GRID2: variants seen among roughly 807,000 people sequenced by gnomAD.
GRID2 encodes glutamate ionotropic receptor delta type subunit 2, also known as glutamate receptor ionotropic, delta-2.
GRID2 carries 33 observed loss-of-function variants against 114.8 expected under a neutral mutation model. The ratio of observed to expected loss-of-function variants is 0.29; its 90% confidence interval spans 0.22 to 0.38. The LOEUF (loss-of-function observed/expected upper bound fraction) is 0.38. GRID2 is among the 10% of genes least tolerant of loss of function. GRID2 has a pLI of 1.00. For missense variants in GRID2, 1,184 were observed against 1,257.7 expected (o/e 0.94, Z 0.89); for synonymous variants, 505 against 449.9 (o/e 1.12, Z -1.55).
intron 2 of GRID2, among the ~76,000 whole-genome samples, chr4:92,906,430 G>C (rs1356021401): frequency 6.6e-6 from 1 of 151,920 alleles, no homozygotes; most frequent in South Asian, 2.1e-4. Flanking sequence ...CAGAGCCAAA[G>C]GAGAGCTGAA....
chr4:93,750,660 G>A (rs1732244120), intron 14 of GRID2, among the ~76,000 whole-genome samples: 1 of 152,082 alleles, frequency 6.6e-6, no homozygotes, highest in South Asian at 2.1e-4. Flanking sequence ...GGAGGCTGAG[G>A]CAGGAGAATG....
intron 1 of GRID2, among the ~76,000 whole-genome samples, chr4:92,442,215 G>A (rs1293438551): frequency 6.6e-6 from 1 of 151,786 alleles, no homozygotes; most frequent in Non-Finnish European, 1.5e-5. Flanking sequence ...GAGGCGATCG[G>A]GCGGTGTTAG....
intron 1 of GRID2, among the ~76,000 whole-genome samples, chr4:92,352,688 C>T (rs1728126878): frequency 6.6e-6 from 1 of 151,972 alleles, no homozygotes; most frequent in African/African-American, 2.4e-5. Flanking sequence ...CATTCATGTG[C>T]TTATTGGTCA....
At chr4:92,742,490 C>A (rs1157240737) in intron 2 of GRID2, among the ~76,000 whole-genome samples, 1 of 151,980 alleles carries the variant, frequency 6.6e-6, no homozygotes, top group Admixed American at 6.6e-5. Flanking sequence ...TTCTCTTAAT[C>A]TCTATGCATT....
intron 8 of GRID2, among the ~76,000 whole-genome samples, chr4:93,320,098 A>G (rs1757058147): frequency 6.6e-6 from 1 of 152,146 alleles, no homozygotes; most frequent in Non-Finnish European, 1.5e-5. Context: ...ATCTGAACAA[A>G]CAAAAGGATC....
intron 2 of GRID2, among the ~76,000 whole-genome samples, chr4:92,751,516 G>A (rs928077861): frequency 2.0e-5 from 3 of 152,128 alleles, no homozygotes; most frequent in Admixed American, 6.6e-5. Context: ...TTGAGTAACT[G>A]CAAAGAGATA....
chr4:92,671,248 T>C lies in GRID2; in HGVS notation c.244+80962T>C, dbSNP rs192221230. ...TATCCACTTAAACAATCAGATCTCA[T>C]GAAAACTTACTCACTATCATGAGAA... On this transcript the variant is annotated intron_variant, in intron 2 of 15. Coordinates refer to ENST00000282020, the MANE Select transcript of GRID2 (RefSeq NM_001510.4). Among the ~76,000 whole-genome samples the C allele has an allele frequency of 7.5e-4, 104 of 139,272 alleles. 2 individuals carry two copies. The East Asian group carries it at 0.021, about 29-fold the overall frequency. The allele number at this position is 139,272 out of a possible 152,430, so 91.4% of individuals were successfully genotyped here.
intron 3 of GRID2, among the ~76,000 whole-genome samples, chr4:93,099,104 A>G (rs1026488543): frequency 5.3e-5 from 8 of 151,592 alleles, no homozygotes; most frequent in African/African-American, 1.9e-4. Context: ...CTTAAACCAA[A>G]TAATTTGGTC....
At chr4:93,366,574 G>C (rs1406146226) in intron 8 of GRID2, among the ~76,000 whole-genome samples, 1 of 151,990 alleles carries the variant, frequency 6.6e-6, no homozygotes, top group East Asian at 1.9e-4. Flanking sequence ...GCCTCCGCTT[G>C]CCTTGTGATA....
At chr4:92,380,612 G>A (rs1324176066) in intron 1 of GRID2, among the ~76,000 whole-genome samples, 2 of 151,988 alleles carry the variant, frequency 1.3e-5, no homozygotes, top group Non-Finnish European at 2.9e-5. Context: ...ACAAAAATAT[G>A]TATACTTATA....
intron 13 of GRID2, among the ~76,000 whole-genome samples, chr4:93,543,157 G>A (rs1055774851): frequency 1.3e-5 from 2 of 152,074 alleles, no homozygotes; most frequent in African/African-American, 4.8e-5. Context: ...CCCTACTTTT[G>A]CTACCAATAT....
chr4:92,746,421 C>G (rs556726812), intron 2 of GRID2, among the ~76,000 whole-genome samples: 1 of 152,052 alleles, frequency 6.6e-6, no homozygotes, highest in Admixed American at 6.5e-5. Context: ...AATATTAAAG[C>G]CAGACCATCT....
intron 2 of GRID2, among the ~76,000 whole-genome samples, chr4:92,837,602 G>GA (rs2149405789): frequency 6.6e-6 from 1 of 151,836 alleles, no homozygotes; most frequent in African/African-American, 2.4e-5. Context: ...GAAATTCCAA[G>GA]AAAAAATGTT....
intron 8 of GRID2, among the ~76,000 whole-genome samples, chr4:93,367,204 GTT>G (rs5860328): frequency 7.5e-6 from 1 of 132,480 alleles, no homozygotes; most frequent in Non-Finnish European, 1.6e-5. Flanking sequence ...TTTTTTTTAA[GTT>G]TTTTTTTTTT....
At chr4:93,625,717 C>T (rs2149689017) in intron 13 of GRID2, among the ~76,000 whole-genome samples, 1 of 152,302 alleles carries the variant, frequency 6.6e-6, no homozygotes, top group South Asian at 2.1e-4. Context: ...AGATTGAGAC[C>T]ATCCTGGCTA....
intron 10 of GRID2, among the ~76,000 whole-genome samples, chr4:93,450,570 ATTT>A (rs1342548741): frequency 1.3e-5 from 2 of 151,858 alleles, no homozygotes; most frequent in East Asian, 3.9e-4. Context: ...ATGTATTTCA[ATTT>A]GTCTAAGCTT....
chr4:92,413,420 A>G (rs569129934), intron 1 of GRID2, among the ~76,000 whole-genome samples: 1 of 152,334 alleles, frequency 6.6e-6, no homozygotes, highest in South Asian at 2.1e-4. Context: ...TGGAAGAAGA[A>G]TATTAGCAGT....
intron 12 of GRID2, among the ~76,000 whole-genome samples, chr4:93,492,005 C>G (rs147235546): frequency 5.9e-5 from 9 of 151,884 alleles, no homozygotes; most frequent in Non-Finnish European, 1.0e-4. Context: ...TCCTTTGATA[C>G]AGAACCTTCA....
chr4:92,353,775 A>G (rs1201130908), intron 1 of GRID2, among the ~76,000 whole-genome samples: 1 of 151,988 alleles, frequency 6.6e-6, no homozygotes, highest in East Asian at 1.9e-4. Context: ...AAAGCTTAAC[A>G]TCTTGTTTTG....
Sources: allele counts gnomAD v4.1 joint callset (sites outside exome capture counted in the v4.1 genomes callset), GRCh38; gene constraint gnomAD v4.1.1; transcripts MANE v1.5; gene names NCBI Gene and HGNC (gene_info 2026-07-23, HGNC 2026-07-21).